The following R3HDM2 variants were observed in gnomAD, a reference collection of about 807,000 sequenced individuals.
R3HDM2 encodes R3H domain-containing protein 2.
R3HDM2 carries 38 observed loss-of-function variants against 124.5 expected under a neutral mutation model. The observed-to-expected ratio is 0.31, with a 90% CI of 0.24 to 0.40. R3HDM2 has a LOEUF of 0.40. R3HDM2 is among the 10% of genes least tolerant of loss of function. R3HDM2 has a pLI of 1.00. For synonymous variants in R3HDM2, 391 were observed against 448.0 expected (o/e 0.87, Z 1.61); for missense variants, 869 against 1,236.9 (o/e 0.70, Z 4.46).
chr12:57,415,014 C>G (rs939453596), intron 1 of R3HDM2, among the ~76,000 whole-genome samples: 3 of 152,082 alleles, frequency 2.0e-5, no homozygotes, highest in African/African-American at 7.2e-5. Flanking sequence ...CAAAACATGA[C>G]AGGGATGTCA....
At chr12:57,325,195 T>C (rs1207521194) in intron 2 of R3HDM2, among the ~76,000 whole-genome samples, 2 of 152,164 alleles carry the variant, frequency 1.3e-5, no homozygotes, top group East Asian at 3.8e-4. Context: ...CAGGCTAGAG[T>C]GCAGTGGCAC....
chr12:57,278,612 CACAG>C (rs1272511914), intron 14 of R3HDM2, among the ~76,000 whole-genome samples: 7 of 152,240 alleles, frequency 4.6e-5, no homozygotes, highest in African/African-American at 1.7e-4. Flanking sequence ...TGAATTAAGA[CACAG>C]ACAGAGAAAA....
At chr12:57,292,988 G>C (rs532717429) in intron 10 of R3HDM2, among the ~76,000 whole-genome samples, 3 of 151,702 alleles carry the variant, frequency 2.0e-5, no homozygotes, top group East Asian at 3.9e-4. Flanking sequence ...TAAGGATCGA[G>C]AAAATAGCCC....
intron 2 of R3HDM2, among the ~76,000 whole-genome samples, chr12:57,311,887 A>G (rs1359749228): frequency 6.6e-6 from 1 of 152,212 alleles, no homozygotes; most frequent in Non-Finnish European, 1.5e-5. Flanking sequence ...TACCTGGGAA[A>G]TCCTGTAATG....
chr12:57,296,266 T>C lies in R3HDM2; in HGVS notation c.701+145A>G. 1 of 880,614 alleles carries C rather than the reference T, an allele frequency of 1.1e-6. No individual in the cohort carries two copies. Among genetic ancestry groups the C allele is most frequent in the Non-Finnish European group, 1.7e-6 (1 of 582,068 alleles). 54.6% of individuals were successfully genotyped at this position (880,614 alleles called of 1,614,324 possible). The stretch of plus-strand genomic sequence containing the variant: ...CTCCTGGCTTCAAGCAGTCTTCCCA[T>C]CTTGGCCTCCCAAAGTGCTGGGATT... On this transcript the variant is annotated intron_variant, in intron 9 of 23. Transcript: ENST00000402412. This position sits in a 1 kb window ranked among gnomAD's most constrained non-coding sequence, Gnocchi z 4.5.
intron 2 of R3HDM2, among the ~76,000 whole-genome samples, chr12:57,392,415 AAT>A (rs1218040794): frequency 2.6e-5 from 4 of 152,148 alleles, no homozygotes; most frequent in Non-Finnish European, 5.9e-5. Context: ...CACAGTTCAC[AAT>A]AGAGTTCACA....
chr12:57,374,684 A>T (rs1296982773), intron 2 of R3HDM2, among the ~76,000 whole-genome samples: 8 of 67,410 alleles, frequency 1.2e-4, no homozygotes, highest in African/African-American at 2.4e-4. Context: ...ATTCTATCTT[A>T]AAAAAAAAAA....
chr12:57,261,705 G>C (rs1054632104), intron 19 of R3HDM2, among the ~76,000 whole-genome samples: 1 of 145,818 alleles, frequency 6.9e-6, no homozygotes, highest in Non-Finnish European at 1.5e-5. Context: ...CGAGCCCAAA[G>C]CAGGTGGCAT....
chr12:57,323,060 A>G (rs1291201108), intron 2 of R3HDM2, among the ~76,000 whole-genome samples: 1 of 152,296 alleles, frequency 6.6e-6, no homozygotes, highest in African/African-American at 2.4e-5. Flanking sequence ...CTTTATAAAA[A>G]AGATACCAAA....
At chr12:57,330,337 A>C (rs2057955964) in intron 2 of R3HDM2, among the ~76,000 whole-genome samples, 1 of 150,740 alleles carries the variant, frequency 6.6e-6, no homozygotes, top group African/African-American at 2.4e-5. Context: ...TATTTTGCTG[A>C]ATGCATTTAT....
chr12:57,267,830 G>A (rs567852405), intron 18 of R3HDM2, among the ~76,000 whole-genome samples: 1 of 152,208 alleles, frequency 6.6e-6, no homozygotes, highest in South Asian at 2.1e-4. Flanking sequence ...ATAAAACAAG[G>A]GGAGTGGACT....
At position 57,349,637 on chromosome 12, in the gene R3HDM2, T is replaced by G. The variant is rs2060478126; in HGVS notation, c.-35-39174A>C. 2.0e-5 allele frequency among the ~76,000 whole-genome samples: 3 copies of G among 150,614 alleles called. No homozygotes were observed. In the South Asian group the frequency reaches 6.4e-4, roughly 32 times the overall value. ...GTGCAGTGGCACGATCTCAGCTCAC[T>G]ATAACCTCCGCCTCCCGGGTTCAAG... On this transcript the variant is annotated intron_variant, in intron 2 of 23. Coordinates refer to ENST00000402412, the MANE Select transcript of R3HDM2 (RefSeq NM_001394031.1).
intron 17 of R3HDM2, 55 bp from the exon 18 acceptor site, chr12:57,268,512 C>A: frequency 1.3e-6 from 2 of 1,569,788 alleles, no homozygotes; most frequent in South Asian, 1.1e-5. Flanking sequence ...TGAGCTCATG[C>A]AGAAACAGCC....
At chr12:57,368,864 C>T (rs1032390351) in intron 2 of R3HDM2, among the ~76,000 whole-genome samples, 10 of 152,006 alleles carry the variant, frequency 6.6e-5, no homozygotes, top group Non-Finnish European at 7.4e-5. Flanking sequence ...TCTTGCGGAC[C>T]CCCCCAAACT....
At chr12:57,368,288 GTCCCCT>G (rs1219310694) in intron 2 of R3HDM2, among the ~76,000 whole-genome samples, 1 of 152,080 alleles carries the variant, frequency 6.6e-6, no homozygotes, top group Non-Finnish European at 1.5e-5. Flanking sequence ...CTCCAAACTA[GTCCCCT>G]TCCCCTTCCT....
At chr12:57,273,943 C>T (rs1280723356) in intron 14 of R3HDM2, among the ~76,000 whole-genome samples, 1 of 152,202 alleles carries the variant, frequency 6.6e-6, no homozygotes, top group Non-Finnish European at 1.5e-5. Flanking sequence ...TGAGAATCCA[C>T]TGTGTGACCT....
intron 1 of R3HDM2, among the ~76,000 whole-genome samples, chr12:57,414,690 G>A (rs959381540): frequency 2.6e-5 from 4 of 151,620 alleles, no homozygotes; most frequent in African/African-American, 9.7e-5. Context: ...ACAAAAATTA[G>A]CTGGGCATGG....
At chr12:57,422,341 A>G (rs1212375029) in intron 1 of R3HDM2, among the ~76,000 whole-genome samples, 1 of 152,144 alleles carries the variant, frequency 6.6e-6, no homozygotes, top group South Asian at 2.1e-4. Context: ...AAGGACTTCA[A>G]TATCAGGCAC....
At chr12:57,258,377 A>T (rs1308182107) in intron 20 of R3HDM2, among the ~76,000 whole-genome samples, 1 of 151,250 alleles carries the variant, frequency 6.6e-6, no homozygotes, top group East Asian at 1.9e-4. Context: ...GTCTTGCTCT[A>T]TCACCCAGAC....
Sources: allele counts gnomAD v4.1 joint callset (sites outside exome capture counted in the v4.1 genomes callset), GRCh38; gene constraint gnomAD v4.1.1; non-coding constraint Gnocchi (gnomAD v3.1); transcripts MANE v1.5; gene names NCBI Gene and HGNC (gene_info 2026-07-23, HGNC 2026-07-21).